Variants in PRKDC observed in about 807,000 individuals in gnomAD.
The protein encoded by PRKDC is protein kinase, DNA-activated, catalytic subunit.
In PRKDC, 82 loss-of-function variants were observed where a neutral mutation model predicts 486.9. The ratio of observed to expected loss-of-function variants is 0.17; its 90% confidence interval spans 0.14 to 0.20. PRKDC has a LOEUF of 0.20. Among genes scored for constraint, PRKDC ranks in the 10% least tolerant of loss-of-function variants. PRKDC has a pLI of 1.00. For synonymous variants in PRKDC, 1,895 were observed against 1,837.0 expected, an observed-to-expected ratio of 1.03 and a Z score of -0.81; for missense variants, 4,504 against 5,038.2, an observed-to-expected ratio of 0.89 and a Z score of 3.21.
intron 56 of PRKDC, among the ~76,000 whole-genome samples, chr8:47,838,564 G>A (rs1304464157): frequency 1.3e-5 from 2 of 150,826 alleles, no homozygotes; most frequent in Non-Finnish European, 3.0e-5. Flanking sequence ...GTGAGCTACA[G>A]TTACACTACT....
chr8:47,938,216 G>A (rs2090386746), intron 11 of PRKDC, among the ~76,000 whole-genome samples: 1 of 151,688 alleles, frequency 6.6e-6, no homozygotes. Flanking sequence ...GGACCAGCCT[G>A]ACCAACATGG....
At chr8:47,854,719 T>TACA (rs2088493759) in intron 50 of PRKDC, among the ~76,000 whole-genome samples, 2 of 152,222 alleles carry the variant, frequency 1.3e-5, no homozygotes, top group Non-Finnish European at 2.9e-5. Flanking sequence ...GGTCTAGCTT[T>TACA]GACTTTACAG....
At position 47,929,994 on chromosome 8, in the gene PRKDC, T is replaced by C. The variant is rs45438803; in HGVS notation, c.1911A>G (p.Lys637=). ...VEFCREILPE[K]QAEFFEPWVY... Reference sequence around the variant, plus strand: ...CCCATGGTTCAAAAAATTCTGCTTGTTTCTCAGGGAGAATCTCTCTGTAAA... The same window carrying C: ...CCCATGGTTCAAAAAATTCTGCTTGCTTCTCAGGGAGAATCTCTCTGTAAA... Residue 637 remains lysine, a synonymous_variant, in exon 18 of 86, where the codon AAA becomes AAG. Transcript: ENST00000314191. 9,597 of 1,604,406 alleles carry C rather than the reference T, an allele frequency of 6.0e-3. 40 individuals carry two copies. The highest frequency in any genetic ancestry group is 7.5e-3 in the Non-Finnish European group (8,776 of 1,177,116).
intron 73 of PRKDC, among the ~76,000 whole-genome samples, chr8:47,795,155 G>A (rs1479610343): frequency 6.6e-6 from 1 of 150,678 alleles, no homozygotes; most frequent in Non-Finnish European, 1.5e-5. Flanking sequence ...CAAAGTGCTG[G>A]GACTATAGGC....
intron 21 of PRKDC, chr8:47,926,977 A>G (rs773128618): frequency 1.5e-5 from 8 of 520,434 alleles, no homozygotes; most frequent in East Asian, 1.3e-4. Context: ...TTAGTAAGCT[A>G]TAAGTGAGTA....
intron 40 of PRKDC, among the ~76,000 whole-genome samples, chr8:47,867,400 C>T (rs757826817): frequency 2.6e-5 from 4 of 152,092 alleles, no homozygotes; most frequent in Non-Finnish European, 5.9e-5. Context: ...GTTAAATAAG[C>T]ACTACTAATT....
intron 21 of PRKDC, among the ~76,000 whole-genome samples, chr8:47,925,016 T>C (rs1307915711): frequency 2.0e-5 from 3 of 152,160 alleles, no homozygotes; most frequent in Middle Eastern, 6.3e-3. Context: ...CAGACAGCTG[T>C]CCCAACACGT....
chr8:47,896,361 C>T (rs1455320451), intron 30 of PRKDC, among the ~76,000 whole-genome samples: 4 of 152,018 alleles, frequency 2.6e-5, no homozygotes, highest in African/African-American at 9.7e-5. Context: ...CAGAACTCCA[C>T]CCCAGGCCAG....
At chr8:47,888,985 A>G (rs1248234518) in intron 33 of PRKDC, 29 bp downstream of exon 33, 3 of 1,595,066 alleles carry the variant, frequency 1.9e-6, no homozygotes, top group Middle Eastern at 1.7e-4. Context: ...CCAGGACAAC[A>G]TGTCCCCGAT....
chr8:47,831,899 C>A lies in PRKDC; in HGVS notation c.8180G>T (p.Arg2727Leu), dbSNP rs766871497. ...KGAAGRTDLL[R>L]LRRRFMRDQE... ...GTCCCTCATAAACCGTCTGCGCAGTCGTAGTAGGTCCGTCCGGCCGGCCGC... is the reference window on the plus strand; with the variant it reads ...GTCCCTCATAAACCGTCTGCGCAGTAGTAGTAGGTCCGTCCGGCCGGCCGC... Residue 2727 changes from arginine (R) to leucine (L), a missense_variant, in exon 60 of 86, where the codon CGA becomes CTA. This residue lies in a region of PRKDC where 1,592 missense variants were observed against 1,724.6 expected (regional missense o/e 0.92). Coordinates refer to ENST00000314191, the MANE Select transcript of PRKDC (RefSeq NM_006904.7). 6.2e-7 allele frequency: 1 copy of A among 1,613,618 alleles called. No homozygotes were observed. Among genetic ancestry groups the A allele is most frequent in the South Asian group, 1.1e-5 (1 of 91,040 alleles).
chr8:47,875,933 C>T (rs1350200984), intron 40 of PRKDC, among the ~76,000 whole-genome samples: 1 of 152,040 alleles, frequency 6.6e-6, no homozygotes, highest in Non-Finnish European at 1.5e-5. Context: ...TTAAAAATAT[C>T]AGTAGAAAGG....
Position 47,959,969 on chromosome 8 carries a change from C to A in PRKDC, c.154+4G>T. The stretch of plus-strand genomic sequence containing the variant: ...CCCGCGGCCCAGCTCGGGCCGGTAC[C>A]CACCCAGCACCGCGGGGCTGCTGCT... On this transcript the variant is annotated splice_donor_region_variant and intron_variant, in intron 1 of 85. Coordinates refer to ENST00000314191, the MANE Select transcript of PRKDC (RefSeq NM_006904.7). The A allele has an allele frequency of 6.5e-7, 1 of 1,535,054 alleles. No individual in the cohort carries two copies. The highest frequency in any genetic ancestry group is 8.7e-7 in the Non-Finnish European group (1 of 1,146,736).
rs147838077 is a variant in PRKDC, at chr8:47,859,016, G to T, written c.6208-30C>A. The T allele has an allele frequency of 1.9e-6, 3 of 1,608,926 alleles. No homozygotes were observed. The African/African-American group carries it at 4.0e-5, about 21-fold the overall frequency. On this transcript the variant is annotated intron_variant, in intron 46 of 85. Coordinates refer to ENST00000314191, the MANE Select transcript of PRKDC (RefSeq NM_006904.7). Reference sequence around the variant, plus strand: ...GAAAGGGAGGGCCCAGGAGAGCAGAGGGTACAGTTAACATTCAGTGGACAA... The same window carrying T: ...GAAAGGGAGGGCCCAGGAGAGCAGATGGTACAGTTAACATTCAGTGGACAA...
chr8:47,823,555 A>C (rs1389786987), intron 64 of PRKDC, among the ~76,000 whole-genome samples: 2 of 152,090 alleles, frequency 1.3e-5, no homozygotes, highest in African/African-American at 4.8e-5. Context: ...TTCTCTACAG[A>C]AATGCAAGAA....
At chr8:47,841,402 G>A (rs1348477179) in intron 54 of PRKDC, among the ~76,000 whole-genome samples, 4 of 152,040 alleles carry the variant, frequency 2.6e-5, no homozygotes, top group African/African-American at 7.2e-5. Context: ...TGATCTACAC[G>A]CCTATCTGTC....
At chr8:47,844,470 G>A (rs1248288787) in intron 54 of PRKDC, among the ~76,000 whole-genome samples, 2 of 152,150 alleles carry the variant, frequency 1.3e-5, no homozygotes. Context: ...TCTACTGACA[G>A]TGTTAGATAG....
At chr8:47,912,750 G>GT (rs1344510658) in intron 24 of PRKDC, among the ~76,000 whole-genome samples, 188 bp from the exon 25 acceptor site, 1 of 152,068 alleles carries the variant, frequency 6.6e-6, no homozygotes, top group Non-Finnish European at 1.5e-5. Flanking sequence ...TGTTCACTTT[G>GT]TTTTTTTATC....
chr8:47,856,763 G>A (rs950736443), intron 49 of PRKDC, among the ~76,000 whole-genome samples: 1 of 152,246 alleles, frequency 6.6e-6, no homozygotes, highest in Admixed American at 6.5e-5. Flanking sequence ...TACTCTGGGA[G>A]TAGAGAAGAT....
chr8:47,803,660 A>G (rs1447730928), intron 69 of PRKDC, among the ~76,000 whole-genome samples, 180 bp from the exon 70 acceptor site: 1 of 152,194 alleles, frequency 6.6e-6, no homozygotes, highest in East Asian at 1.9e-4. Flanking sequence ...TTTAAAGAGT[A>G]CAATTCAGGC....
Sources: gnomAD v4.1 joint callset for allele counts (sites outside exome capture counted in the v4.1 genomes callset) on GRCh38, gnomAD v4.1.1 for gene constraint, gnomAD v4.1.1 regional missense constraint, MANE v1.5 for transcripts, NCBI Gene and HGNC (gene_info 2026-07-23, HGNC 2026-07-21) for gene names.